Variants in TRHDE observed in about 807,000 individuals in gnomAD.
The protein encoded by TRHDE is thyrotropin-releasing hormone-degrading ectoenzyme.
Under a neutral mutation model 125.7 loss-of-function variants are expected in TRHDE, and 72 were observed. The observed-to-expected ratio is 0.57, with a 90% CI of 0.47 to 0.70. The LOEUF (loss-of-function observed/expected upper bound fraction) is 0.70, where lower values mean the gene tolerates loss of function less well. Among genes scored for constraint, TRHDE ranks in the 30% least tolerant of loss-of-function variants. The pLI is 0.00. For synonymous variants in TRHDE, 509 were observed against 509.1 expected (o/e 1.00, Z 0.00); for missense variants, 1,110 against 1,327.1 (o/e 0.84, Z 2.54).
At position 72,334,518 on chromosome 12, in the gene TRHDE, A is replaced by G. The variant is rs1350245595; in HGVS notation, c.1189-43477A>G. The stretch of plus-strand genomic sequence containing the variant: ...TGGGTGTTTATAGTGTACTTTTTAC[A>G]GGAAATTTCTTTTACCTGGCAGACG... On this transcript the variant is annotated intron_variant, in intron 2 of 18. Coordinates refer to ENST00000261180, the MANE Select transcript of TRHDE (RefSeq NM_013381.3). 2.6e-5 allele frequency among the ~76,000 whole-genome samples: 4 copies of G among 152,230 alleles called. No homozygotes were observed. The South Asian group carries it at 6.2e-4, about 24-fold the overall frequency.
At chr12:72,383,533 C>T (rs1476850308) in intron 3 of TRHDE, among the ~76,000 whole-genome samples, 1 of 151,762 alleles carries the variant, frequency 6.6e-6, no homozygotes, top group African/African-American at 2.4e-5. Flanking sequence ...TGTGCCACCA[C>T]ACCCAGCAAA....
intron 3 of TRHDE, among the ~76,000 whole-genome samples, chr12:72,456,251 G>T (rs1400645873): frequency 6.6e-6 from 1 of 151,352 alleles, no homozygotes; most frequent in African/African-American, 2.4e-5. Context: ...GCATTCCCTG[G>T]TCAGGCTAGA....
chr12:72,245,235 T>TTGTGTGTG (rs760361021), intron 2 of TRHDE, among the ~76,000 whole-genome samples: 2 of 141,956 alleles, frequency 1.4e-5, no homozygotes, highest in Admixed American at 1.4e-4. Flanking sequence ...ATATCTATGT[T>TTGTGTGTG]TGTGTGTATG....
intron 12 of TRHDE, among the ~76,000 whole-genome samples, chr12:72,595,506 A>T (rs1871900146): frequency 6.6e-6 from 1 of 152,110 alleles, no homozygotes; most frequent in African/African-American, 2.4e-5. Flanking sequence ...TTTAAAACTG[A>T]TGTCATTCAT....
rs1873701098 is a variant in TRHDE, at chr12:72,635,487, G to A, written c.2675+13736G>A. On this transcript the variant is annotated intron_variant, in intron 15 of 18. Coordinates refer to ENST00000261180, the MANE Select transcript of TRHDE (RefSeq NM_013381.3). ...CTCTGATGGTAGTTTCTTTTGCTGT[G>A]TAGAAGCTCTTTAGTTTAATGAGAT... 2.6e-5 allele frequency among the ~76,000 whole-genome samples: 4 copies of A among 152,266 alleles called. No homozygotes were observed. In the South Asian group the frequency reaches 8.3e-4, roughly 32 times the overall value.
At chr12:72,464,703 C>T (rs1319103279) in intron 3 of TRHDE, among the ~76,000 whole-genome samples, 1 of 152,148 alleles carries the variant, frequency 6.6e-6, no homozygotes, top group Non-Finnish European at 1.5e-5. Context: ...TTATTATAGA[C>T]ACTAGCCTAC....
At chr12:72,587,143 C>T (rs1256854806) in intron 12 of TRHDE, among the ~76,000 whole-genome samples, 3 of 152,154 alleles carry the variant, frequency 2.0e-5, no homozygotes, top group Non-Finnish European at 4.4e-5. Context: ...AGTGAAACTA[C>T]AATTATTCAC....
chr12:72,531,550 G>A (rs1307747570), intron 6 of TRHDE, among the ~76,000 whole-genome samples: 1 of 151,922 alleles, frequency 6.6e-6, no homozygotes, highest in Non-Finnish European at 1.5e-5. Context: ...AATTCATAAA[G>A]ATGTGCTTTT....
intron 2 of TRHDE, among the ~76,000 whole-genome samples, chr12:72,168,485 T>A (rs1156429129): frequency 6.6e-6 from 1 of 152,222 alleles, no homozygotes; most frequent in African/African-American, 2.4e-5. Flanking sequence ...TGTGACTCCC[T>A]GATTCAGTAG....
chr12:72,272,661 GC>G lies in TRHDE; in HGVS notation c.19del (p.Leu7TrpfsTer184). The G allele has an allele frequency of 8.1e-7, 1 of 1,235,146 alleles. No individual in the cohort carries two copies. The highest frequency in any genetic ancestry group is 1.1e-6 in the Non-Finnish European group (1 of 922,090). The allele number at this position is 1,235,146 out of a possible 1,614,324, so 76.5% of individuals were successfully genotyped here. Reference protein sequence around the residue: MALDGELGEQEEEKKKK... With the variant: MALDGEXGEQEEEKKKK... Reference sequence around the variant, plus strand: ...GCGGTGTGATGGCCCTGGACGGCGAGCTGGGGGAGCAAGAGGAGGAGAAGAA... The same window carrying G: ...GCGGTGTGATGGCCCTGGACGGCGAGTGGGGGAGCAAGAGGAGGAGAAGAA... On this transcript the variant is annotated frameshift_variant, in exon 1 of 19. Coordinates refer to ENST00000261180, the MANE Select transcript of TRHDE (RefSeq NM_013381.3). LOFTEE classifies it high-confidence loss of function. The surrounding 1 kb of genome is among the most constrained non-coding windows in gnomAD (Gnocchi z 6.7).
intron 3 of TRHDE, among the ~76,000 whole-genome samples, chr12:72,441,786 T>C (rs11179206): frequency 0.098 from 14,842 of 151,796 alleles, 910 homozygotes; most frequent in African/African-American, 0.16. Context: ...AACAAGATAA[T>C]AAAGCAAATG....
At chr12:72,447,374 G>C (rs1875346013) in intron 3 of TRHDE, among the ~76,000 whole-genome samples, 1 of 152,158 alleles carries the variant, frequency 6.6e-6, no homozygotes, top group African/African-American at 2.4e-5. Flanking sequence ...GCAGTGTGTA[G>C]AGGGAAATTT....
chr12:72,376,745 A>G (rs1192619121), intron 2 of TRHDE, among the ~76,000 whole-genome samples: 2 of 152,130 alleles, frequency 1.3e-5, no homozygotes, highest in Non-Finnish European at 2.9e-5. Context: ...AATTTTTATT[A>G]TAAATAATAA....
intron 2 of TRHDE, among the ~76,000 whole-genome samples, chr12:72,167,940 AC>A (rs1416713779): frequency 2.0e-5 from 3 of 152,188 alleles, no homozygotes; most frequent in Non-Finnish European, 2.9e-5. Context: ...GAAACTATCA[AC>A]TGGCTTTCTT....
At chr12:72,215,458 G>A (rs1008649286) in intron 2 of TRHDE, among the ~76,000 whole-genome samples, 8 of 152,178 alleles carry the variant, frequency 5.3e-5, no homozygotes, top group African/African-American at 1.9e-4. Context: ...GCCTGACAGT[G>A]CACCCTATCC....
At chr12:72,492,612 T>A (rs1877732886) in intron 5 of TRHDE, among the ~76,000 whole-genome samples, 1 of 151,870 alleles carries the variant, frequency 6.6e-6, no homozygotes, top group African/African-American at 2.4e-5. Context: ...ACCTTTGTCA[T>A]GATTTGAGTA....
intron 15 of TRHDE, among the ~76,000 whole-genome samples, chr12:72,641,733 T>C (rs1269510450): frequency 6.6e-6 from 1 of 152,220 alleles, no homozygotes; most frequent in Non-Finnish European, 1.5e-5. Context: ...GGAGACTGTC[T>C]TATTTATCTT....
Position 72,167,613 on chromosome 12 carries a change from C to A in TRHDE, n.279+61861C>A, listed in dbSNP as rs1402044728. 3.9e-5 allele frequency: 6 copies of A among 152,136 alleles called. No homozygotes were observed. The East Asian group carries it at 9.6e-4, about 24-fold the overall frequency. 9.4% of individuals were successfully genotyped at this position (152,136 alleles called of 1,614,324 possible). On this transcript the variant is annotated intron_variant and non_coding_transcript_variant, in intron 2 of 4. Transcript: ENST00000548156. ...CCAATCCAGAAGCAGTTGCTGTATACAATGATGGAATGGCCTACTGAAGAC... is the reference window on the plus strand; with the variant it reads ...CCAATCCAGAAGCAGTTGCTGTATAAAATGATGGAATGGCCTACTGAAGAC...
chr12:72,537,400 A>G (rs924267080), intron 6 of TRHDE, among the ~76,000 whole-genome samples: 5 of 151,992 alleles, frequency 3.3e-5, no homozygotes, highest in African/African-American at 1.2e-4. Flanking sequence ...TACTCATGAT[A>G]GTAATCGAAT....
Sources: allele counts gnomAD v4.1 joint callset (sites outside exome capture counted in the v4.1 genomes callset), GRCh38; gene constraint gnomAD v4.1.1; non-coding constraint Gnocchi (gnomAD v3.1); transcripts MANE v1.5; gene names NCBI Gene and HGNC (gene_info 2026-07-23, HGNC 2026-07-21).